The following ST6GALNAC3 variants were observed in gnomAD, a reference collection of about 807,000 sequenced individuals.
ST6GALNAC3 encodes the protein alpha-N-acetylgalactosaminide alpha-2,6-sialyltransferase 3.
A neutral mutation model predicts 32.7 loss-of-function variants in ST6GALNAC3; 25 were observed. The ratio of observed to expected loss-of-function variants is 0.76; its 90% CI spans 0.56 to 1.07. The LOEUF (loss-of-function observed/expected upper bound fraction) is 1.07. ST6GALNAC3 is among the 50% of genes least tolerant of loss of function. The pLI is 0.00. For synonymous variants in ST6GALNAC3, 129 were observed against 133.1 expected (o/e 0.97, Z 0.21); for missense variants, 355 against 382.4 (o/e 0.93, Z 0.60).
At chr1:76,352,852 A>G (rs1649107268) in intron 2 of ST6GALNAC3, among the ~76,000 whole-genome samples, 1 of 152,136 alleles carries the variant, frequency 6.6e-6, no homozygotes, top group African/African-American at 2.4e-5. Flanking sequence ...CCTAAGATGC[A>G]TTCTAGACAT....
At chr1:76,086,787 C>T (rs1344540073) in intron 1 of ST6GALNAC3, among the ~76,000 whole-genome samples, 1 of 152,306 alleles carries the variant, frequency 6.6e-6, no homozygotes, top group East Asian at 1.9e-4. Flanking sequence ...TATAAAATCA[C>T]TGACATGGTG....
At position 76,278,140 on chromosome 1, in the gene ST6GALNAC3, A is replaced by G. The variant is rs183143484; in HGVS notation, c.19-35665A>G. 8.9e-5 allele frequency among the ~76,000 whole-genome samples: 12 copies of G among 135,034 alleles called. No individual in the cohort carries two copies. In the East Asian group the frequency reaches 2.9e-3, roughly 33 times the overall value. 88.6% of individuals were successfully genotyped at this position (135,034 alleles called of 152,430 possible). On this transcript the variant is annotated intron_variant, in intron 1 of 4. Transcript: ENST00000328299. ...TCTATCTATATTTCTATCCAAATCT[A>G]CTTATTTAGATCTTCACTGTCTTTC...
At chr1:76,178,813 G>A (rs1653002853) in intron 1 of ST6GALNAC3, among the ~76,000 whole-genome samples, 1 of 152,174 alleles carries the variant, frequency 6.6e-6, no homozygotes, top group Non-Finnish European at 1.5e-5. Flanking sequence ...TTTTTCTTAG[G>A]TTCCCAGGGC....
intron 1 of ST6GALNAC3, among the ~76,000 whole-genome samples, chr1:76,102,155 C>G (rs968927811): frequency 6.6e-6 from 1 of 151,916 alleles, no homozygotes; most frequent in African/African-American, 2.4e-5. Flanking sequence ...CCTAGTAAGA[C>G]TTTCTGCCTT....
At chr1:76,238,240 C>T (rs1403657418) in intron 1 of ST6GALNAC3, among the ~76,000 whole-genome samples, 5 of 152,186 alleles carry the variant, frequency 3.3e-5, no homozygotes, top group Non-Finnish European at 7.3e-5. Context: ...CTCTACATAT[C>T]CTGCCGTGCT....
At chr1:76,479,459 T>C (rs1212313473) in intron 3 of ST6GALNAC3, among the ~76,000 whole-genome samples, 14 of 152,202 alleles carry the variant, frequency 9.2e-5, no homozygotes, top group Admixed American at 9.2e-4. Context: ...AGAAATATAT[T>C]TGGGTTATGG....
chr1:76,548,593 A>C (rs1461686118), intron 3 of ST6GALNAC3, among the ~76,000 whole-genome samples: 1 of 152,162 alleles, frequency 6.6e-6, no homozygotes, highest in African/African-American at 2.4e-5. Context: ...CAGGAAGGAG[A>C]ATAGTCCCCA....
chr1:76,636,402 T>C (rs949239511), downstream of ST6GALNAC3, among the ~76,000 whole-genome samples: 19 of 152,212 alleles, frequency 1.2e-4, no homozygotes, highest in African/African-American at 4.1e-4. Flanking sequence ...AGCTCTCCTT[T>C]GGTATTCAGG....
intron 1 of ST6GALNAC3, among the ~76,000 whole-genome samples, chr1:76,222,500 A>G (rs1655830636): frequency 6.6e-6 from 1 of 152,190 alleles, no homozygotes. Flanking sequence ...CAAACCAGGC[A>G]TCTGACAAAG....
intron 1 of ST6GALNAC3, among the ~76,000 whole-genome samples, chr1:76,264,858 A>G (rs1230412708): frequency 1.3e-5 from 2 of 151,816 alleles, no homozygotes; most frequent in Non-Finnish European, 2.9e-5. Context: ...CTGATTAGTG[A>G]TAAAGCCATA....
At chr1:76,096,743 T>TC (rs1647138861) in intron 1 of ST6GALNAC3, among the ~76,000 whole-genome samples, 1 of 137,962 alleles carries the variant, frequency 7.2e-6, no homozygotes, top group African/African-American at 3.6e-5. Flanking sequence ...AAACAGTCCT[T>TC]CTCCCCACTT....
intron 3 of ST6GALNAC3, among the ~76,000 whole-genome samples, chr1:76,463,086 C>T (rs910078579): frequency 6.6e-6 from 1 of 152,018 alleles, no homozygotes; most frequent in African/African-American, 2.4e-5. Flanking sequence ...AATCCCAGTG[C>T]AATTATTTTA....
chr1:76,590,629 T>C (rs1318082955), intron 3 of ST6GALNAC3, among the ~76,000 whole-genome samples: 1 of 152,214 alleles, frequency 6.6e-6, no homozygotes, highest in East Asian at 1.9e-4. Flanking sequence ...TTAAAATTAA[T>C]AATTTTCTTA....
intron 1 of ST6GALNAC3, among the ~76,000 whole-genome samples, chr1:76,191,632 G>T (rs187752295): frequency 6.6e-6 from 1 of 152,092 alleles, no homozygotes; most frequent in Admixed American, 6.5e-5. Context: ...AACATCAATT[G>T]TACCCCATAA....
intron 1 of ST6GALNAC3, among the ~76,000 whole-genome samples, chr1:76,102,518 T>C (rs1209148211): frequency 6.6e-6 from 1 of 152,122 alleles, no homozygotes; most frequent in Non-Finnish European, 1.5e-5. Flanking sequence ...ATTGAGGATT[T>C]GTTGTTGTTG....
At chr1:76,436,438 T>C (rs1315497875) in intron 3 of ST6GALNAC3, among the ~76,000 whole-genome samples, 1 of 152,074 alleles carries the variant, frequency 6.6e-6, no homozygotes, top group Non-Finnish European at 1.5e-5. Flanking sequence ...GTATACTGAG[T>C]CAGGATTTTT....
At chr1:76,525,519 C>T (rs757838522) in intron 3 of ST6GALNAC3, among the ~76,000 whole-genome samples, 1 of 151,624 alleles carries the variant, frequency 6.6e-6, no homozygotes, top group Non-Finnish European at 1.5e-5. Flanking sequence ...TAGATTATCT[C>T]ATGAGCCCAT....
chr1:76,090,882 G>A (rs1647035457), intron 1 of ST6GALNAC3, among the ~76,000 whole-genome samples: 1 of 152,158 alleles, frequency 6.6e-6, no homozygotes, highest in Non-Finnish European at 1.5e-5. Flanking sequence ...AAACGTAATG[G>A]AGCCACTGAG....
chr1:76,351,276 G>A (rs928758631), intron 2 of ST6GALNAC3, among the ~76,000 whole-genome samples: 2 of 152,128 alleles, frequency 1.3e-5, no homozygotes, highest in African/African-American at 4.8e-5. Context: ...AGATTTCAAA[G>A]AACGTTTTTC....
Sources: gnomAD v4.1 joint callset for allele counts (sites outside exome capture counted in the v4.1 genomes callset) on GRCh38, gnomAD v4.1.1 for gene constraint, MANE v1.5 for transcripts, NCBI Gene and HGNC (gene_info 2026-07-23, HGNC 2026-07-21) for gene names.